SPMAP2L: variants seen among roughly 807,000 people sequenced by gnomAD.
The protein encoded by SPMAP2L is sperm microtubule associated protein 2 like.
the SPMAP2L span, among the ~76,000 whole-genome samples, chr4:56,549,427 G>C: frequency 7.9e-3 from 1,206 of 152,176 alleles, 16 homozygotes; most frequent in African/African-American, 0.028. Flanking sequence ...CCAGTTCAAC[G>C]TATCCCAATC....
the SPMAP2L span, among the ~76,000 whole-genome samples, chr4:56,582,619 T>C: frequency 3.5e-4 from 54 of 152,204 alleles, no homozygotes; most frequent in African/African-American, 1.3e-3. Context: ...CTGGTAGGAA[T>C]GTAGAATACT....
chr4:56,586,844 A>T, the SPMAP2L span, among the ~76,000 whole-genome samples: 1 of 152,132 alleles, frequency 6.6e-6, no homozygotes, highest in East Asian at 1.9e-4. Flanking sequence ...GGCCAGATTC[A>T]AGGGGGCAGC....
the SPMAP2L span, among the ~76,000 whole-genome samples, chr4:56,597,045 G>A: frequency 6.6e-6 from 1 of 152,152 alleles, no homozygotes; most frequent in East Asian, 1.9e-4. Flanking sequence ...ATGCTATCAG[G>A]AAAATAACAT....
At chr4:56,617,335 G>A in the SPMAP2L span, among the ~76,000 whole-genome samples, 1 of 152,148 alleles carries the variant, frequency 6.6e-6, no homozygotes, top group Non-Finnish European at 1.5e-5. Flanking sequence ...CATATACTTG[G>A]TCTATTATTG....
At chr4:56,612,434 C>T in the SPMAP2L span, among the ~76,000 whole-genome samples, 1,252 of 152,152 alleles carry the variant, frequency 8.2e-3, 16 homozygotes, top group African/African-American at 0.029. Flanking sequence ...CTCTGCCTCC[C>T]GAGTTCAAGC....
At chr4:56,556,462 T>A in the SPMAP2L span, among the ~76,000 whole-genome samples, 2 of 152,232 alleles carry the variant, frequency 1.3e-5, no homozygotes, top group Admixed American at 1.3e-4. Flanking sequence ...CATTAGGTCA[T>A]GCAGATGATT....
chr4:56,569,532 G>T, the SPMAP2L span, among the ~76,000 whole-genome samples: 1 of 152,028 alleles, frequency 6.6e-6, no homozygotes, highest in Non-Finnish European at 1.5e-5. Flanking sequence ...ACTGGTGGCT[G>T]GGTGTGGTGG....
chr4:56,562,232 G>A, the SPMAP2L span, among the ~76,000 whole-genome samples: 1 of 152,078 alleles, frequency 6.6e-6, no homozygotes, highest in Middle Eastern at 3.4e-3. Context: ...AGGGATCAAG[G>A]AGGAGAAAAA....
the SPMAP2L span, among the ~76,000 whole-genome samples, chr4:56,561,783 G>C: frequency 1.3e-5 from 2 of 152,060 alleles, no homozygotes; most frequent in Non-Finnish European, 2.9e-5. Flanking sequence ...GGAGTGCAGT[G>C]GCGCCATCTT....
the SPMAP2L span, among the ~76,000 whole-genome samples, chr4:56,543,099 G>A: frequency 6.7e-6 from 1 of 148,220 alleles, no homozygotes; most frequent in Non-Finnish European, 1.5e-5. Context: ...TTTATGTTTT[G>A]CTTTTTTTTT....
chr4:56,550,565 G>A, the SPMAP2L span, among the ~76,000 whole-genome samples: 1 of 152,126 alleles, frequency 6.6e-6, no homozygotes, highest in Non-Finnish European at 1.5e-5. Context: ...AAATACCACA[G>A]TACTTAAAAT....
chr4:56,596,453 G>GT, the SPMAP2L span: 1 of 1,461,508 alleles, frequency 6.8e-7, no homozygotes, highest in South Asian at 1.4e-5. Context: ...ACTAAATAGT[G>GT]TTTATTACTT....
chr4:56,612,128 C>A, the SPMAP2L span, among the ~76,000 whole-genome samples: 2 of 152,108 alleles, frequency 1.3e-5, no homozygotes, highest in Non-Finnish European at 2.9e-5. Flanking sequence ...AGCATGTGTT[C>A]AGTTCTGGAC....
chr4:56,618,064 G>T, the SPMAP2L span, among the ~76,000 whole-genome samples: 3 of 152,148 alleles, frequency 2.0e-5, no homozygotes, highest in Non-Finnish European at 1.5e-5. Context: ...ACATGGCCAG[G>T]GTGGTCTTGG....
the SPMAP2L span, among the ~76,000 whole-genome samples, chr4:56,607,303 C>T: frequency 6.6e-6 from 1 of 152,160 alleles, no homozygotes; most frequent in East Asian, 1.9e-4. Context: ...AAGGTGCCGT[C>T]TTGGAAGCAA....
chr4:56,612,084 A>G, the SPMAP2L span, among the ~76,000 whole-genome samples: 1 of 152,096 alleles, frequency 6.6e-6, no homozygotes, highest in Non-Finnish European at 1.5e-5. Context: ...GATTTAGGGG[A>G]CACTGTGTGA....
chr4:56,620,655 G>A, the SPMAP2L span, among the ~76,000 whole-genome samples: 1 of 152,224 alleles, frequency 6.6e-6, no homozygotes, highest in Non-Finnish European at 1.5e-5. Context: ...AAAGTGCTGG[G>A]ATTACAGGCG....
chr4:56,592,815 T>G, the SPMAP2L span, among the ~76,000 whole-genome samples: 17 of 151,980 alleles, frequency 1.1e-4, no homozygotes, highest in Admixed American at 9.2e-4. Context: ...TCGCGCCTCC[T>G]GGAGCGCCTT....
At chr4:56,554,977 T>C in the SPMAP2L span, among the ~76,000 whole-genome samples, 1 of 151,124 alleles carries the variant, frequency 6.6e-6, no homozygotes, top group Non-Finnish European at 1.5e-5. Context: ...TTCACTCTTG[T>C]TGCTCAGGCT....
Sources: allele counts gnomAD v4.1 joint callset (sites outside exome capture counted in the v4.1 genomes callset), GRCh38; gene constraint gnomAD v4.1.1; transcripts MANE v1.5; gene names NCBI Gene and HGNC (gene_info 2026-07-23, HGNC 2026-07-21).